DHX57: variants seen among roughly 807,000 people sequenced by gnomAD.
DHX57 encodes DExH-box helicase 57, also known as putative ATP-dependent RNA helicase DHX57.
Under a neutral mutation model 156.2 loss-of-function variants are expected in DHX57, and 105 were observed. The ratio of observed to expected loss-of-function variants is 0.67; its 90% CI spans 0.57 to 0.79. The LOEUF is 0.79. Among genes scored for constraint, DHX57 ranks in the 30% least tolerant of loss-of-function variants. DHX57 has a pLI of 0.00. For missense variants in DHX57, 1,847 were observed against 1,661.9 expected (o/e 1.11, Z -1.94); for synonymous variants, 704 against 595.6 (o/e 1.18, Z -2.65).
chr2:38,815,453 G>A, intron 20 of DHX57, 68 bp downstream of exon 20: 1 of 1,593,004 alleles, frequency 6.3e-7, no homozygotes. Context: ...GTCTACAAGT[G>A]TTCCCAGGTT....
intron 21 of DHX57, among the ~76,000 whole-genome samples, chr2:38,810,013 C>A (rs947136608): frequency 2.6e-5 from 4 of 152,038 alleles, no homozygotes; most frequent in Admixed American, 1.3e-4. Context: ...TCTGCCTCAG[C>A]CTCCCAAGTA....
At chr2:38,818,800 CAT>C in intron 19 of DHX57, 75 bp downstream of exon 19, 5 of 1,492,380 alleles carry the variant, frequency 3.4e-6, no homozygotes, top group Non-Finnish European at 4.7e-6. Context: ...AGACAGGACA[CAT>C]GAGACAAAGT....
intron 1 of DHX57, among the ~76,000 whole-genome samples, chr2:38,875,481 C>T (rs891033937): frequency 2.6e-5 from 4 of 152,210 alleles, no homozygotes; most frequent in Non-Finnish European, 5.9e-5. Flanking sequence ...AGCCTGATCC[C>T]TTCAATCAAC....
chr2:38,867,778 G>A (rs1314987870), intron 2 of DHX57, among the ~76,000 whole-genome samples: 2 of 151,586 alleles, frequency 1.3e-5, no homozygotes, highest in African/African-American at 4.9e-5. Flanking sequence ...GGCTGGTCTC[G>A]AACTCCTGAC....
chr2:38,829,176 C>A (rs1320585600), intron 13 of DHX57, among the ~76,000 whole-genome samples: 1 of 152,072 alleles, frequency 6.6e-6, no homozygotes, highest in African/African-American at 2.4e-5. Flanking sequence ...CTCCTGGACT[C>A]AAGTGATCCA....
At position 38,856,425 on chromosome 2, in the gene DHX57, G is replaced by T. The variant is rs754086663; in HGVS notation, c.1624C>A (p.Gln542Lys). The T allele has an allele frequency of 1.4e-5, 23 of 1,613,482 alleles. No homozygotes were observed. The highest frequency in any genetic ancestry group is 1.9e-5 in the Non-Finnish European group (22 of 1,179,946). ...CTTTCTTCCCAAGCAGGGAGTGATT[G>T]CCTCTCTTGCAGAATGGACTGGAAC... The part of the protein sequence containing the change: ...RQFQSILQER[Q>K]SLPAWEERET... The change falls in exon 7 of 24, where the codon CAA (glutamine) becomes AAA (lysine). Residue 542 changes from glutamine (Q) to lysine (K), a missense_variant. Gln to Lys is a moderately conservative substitution (Grantham distance 53). Transcript: ENST00000457308.
At position 38,829,281 on chromosome 2, in the gene DHX57, CTAT is replaced by C. The variant is rs1191671909; in HGVS notation, c.2543-848_2543-846del. Among the ~76,000 whole-genome samples, 6 of 100,402 alleles carry C rather than the reference CTAT, an allele frequency of 6.0e-5. No individual in the cohort carries two copies. In the Middle Eastern group the frequency reaches 0.027, roughly 456 times the overall value. The allele number at this position is 100,402 out of a possible 152,430, so 65.9% of individuals were successfully genotyped here. On this transcript the variant is annotated intron_variant, in intron 13 of 23. Coordinates refer to ENST00000457308, the MANE Select transcript of DHX57 (RefSeq NM_198963.3). ...TAAATAAACTTTTTCAGTACACTGG[CTAT>C]TTTTTTTTTTTTTTGGAGACAGTGT...
At chr2:38,847,762 T>C (rs968839999) in intron 10 of DHX57, among the ~76,000 whole-genome samples, 2 of 152,182 alleles carry the variant, frequency 1.3e-5, no homozygotes, top group African/African-American at 4.8e-5. Context: ...CTATGACTTT[T>C]TTTAAAAGTC....
At chr2:38,826,423 C>G (rs530933468) in intron 15 of DHX57, 93 bp downstream of exon 15, 2 of 1,397,856 alleles carry the variant, frequency 1.4e-6, no homozygotes, top group Non-Finnish European at 2.0e-6. Flanking sequence ...ATACAGTAAT[C>G]CGTGTAGCTT....
intron 15 of DHX57, 90 bp from the exon 16 acceptor site, chr2:38,826,137 C>T (rs1303847892): frequency 8.9e-6 from 12 of 1,342,190 alleles, no homozygotes; most frequent in Non-Finnish European, 1.2e-5. Flanking sequence ...AACCAGCTTC[C>T]TCCTGTAGAG....
chr2:38,868,363 CT>C lies in DHX57; in HGVS notation c.42del (p.Gly15ValfsTer67), dbSNP rs1408356051. ...SVRRKGKPGK[G>X]GGKGSSRGGR... ...CCTCCTCTAGAAGACCCTTTTCCAC[CT>C]CCTTTGCCTGGCTTGCCTTTTCTTC... is the stretch of plus-strand genomic sequence containing the variant. On this transcript the variant is annotated frameshift_variant, in exon 2 of 24. Transcript: ENST00000457308. LOFTEE classifies it high-confidence loss of function. 1 of 1,613,630 alleles carries C rather than the reference CT, an allele frequency of 6.2e-7. No individual in the cohort carries two copies. Among genetic ancestry groups the C allele is most frequent in the Non-Finnish European group, 8.5e-7 (1 of 1,180,036 alleles).
chr2:38,819,166 G>C (rs1210916815), intron 17 of DHX57, 22 bp from the exon 18 acceptor site: 1 of 1,604,806 alleles, frequency 6.2e-7, no homozygotes, highest in Non-Finnish European at 8.5e-7. Context: ...AGGAAAATCA[G>C]ATTTAAAGAA....
chr2:38,798,349 G>C lies in DHX57; in HGVS notation c.4111C>G (p.Arg1371Gly), dbSNP rs1353582979. The part of the protein sequence containing the change: ...NPSIDLCTCP[R>G]GSRIISTIVK... ...ATTGTGCTGATGATCCGGGATCCTCGAGGACACGTACACAGATCAATGCTT... is the reference window on the plus strand; with the variant it reads ...ATTGTGCTGATGATCCGGGATCCTCCAGGACACGTACACAGATCAATGCTT... Residue 1371 changes from arginine (R) to glycine (G), a missense_variant, in exon 24 of 24, where the codon CGA becomes GGA. Physicochemically the swap from Arg to Gly is moderately radical, Grantham distance 125. Coordinates refer to ENST00000457308, the MANE Select transcript of DHX57 (RefSeq NM_198963.3). 2.5e-6 allele frequency: 4 copies of C among 1,613,978 alleles called. No individual in the cohort carries two copies. The highest frequency in any genetic ancestry group is 3.4e-6 in the Non-Finnish European group (4 of 1,179,986).
rs138914622 is a variant in DHX57, at chr2:38,846,870, A to C, written c.2219+149T>G. On this transcript the variant is annotated intron_variant, in intron 11 of 23. Transcript: ENST00000457308. ...TTCACTGAATCTTTTTTTTTTTCTC[A>C]ATAGATGGGGGTCCCAATATGTTGC... 1.3e-4 allele frequency: 65 copies of C among 486,568 alleles called. No individual in the cohort carries two copies. The East Asian group carries it at 2.1e-3, about 16-fold the overall frequency. 30.1% of individuals were successfully genotyped at this position (486,568 alleles called of 1,614,324 possible). A position where few individuals can be genotyped will look rare whatever the true frequency, so the allele number is the denominator to read the frequency against.
intron 11 of DHX57, among the ~76,000 whole-genome samples, chr2:38,846,345 G>A (rs1011674407): frequency 1.3e-5 from 2 of 152,110 alleles, no homozygotes; most frequent in Non-Finnish European, 2.9e-5. Context: ...GAGGGGGCCA[G>A]GCATGGTGGC....
In DHX57 at chr2:38,873,978, C is replaced by G. The variant is rs941779881; in HGVS notation, c.-7+1809G>C. Among the ~76,000 whole-genome samples, 38 of 152,238 alleles carry G rather than the reference C, an allele frequency of 2.5e-4. 1 individual carries two copies. The highest frequency in any genetic ancestry group is 8.2e-4 in the African/African-American group (34 of 41,536). ...ATTGGTTCCAGAACCCCCATGTATA[C>G]CAAAATCCACGGATACTCAAGTTCT... On this transcript the variant is annotated intron_variant, in intron 1 of 23. Transcript: ENST00000457308.
At chr2:38,839,435 G>C (rs1173229484) in intron 12 of DHX57, among the ~76,000 whole-genome samples, 2 of 151,768 alleles carry the variant, frequency 1.3e-5, no homozygotes, top group African/African-American at 4.8e-5. Flanking sequence ...GTTTCGGCTG[G>C]GCGCGGTGGC....
intron 16 of DHX57, among the ~76,000 whole-genome samples, chr2:38,825,324 A>G (rs1457236415): frequency 6.6e-6 from 1 of 151,928 alleles, no homozygotes; most frequent in Non-Finnish European, 1.5e-5. Flanking sequence ...ATTTTTTGAG[A>G]TGGAGTCTCA....
At chr2:38,855,524 C>A (rs1255035577) in intron 7 of DHX57, among the ~76,000 whole-genome samples, 2 of 152,054 alleles carry the variant, frequency 1.3e-5, no homozygotes, top group Non-Finnish European at 2.9e-5. Flanking sequence ...TCTGTAAATG[C>A]TTCTAGGAAC....
Sources: allele counts gnomAD v4.1 joint callset (sites outside exome capture counted in the v4.1 genomes callset), GRCh38; gene constraint gnomAD v4.1.1; transcripts MANE v1.5; gene names NCBI Gene and HGNC (gene_info 2026-07-23, HGNC 2026-07-21).